Variants in NF1 observed in about 807,000 individuals in gnomAD.
NF1 encodes the protein neurofibromin 1, also known as neurofibromin.
NF1 carries 122 observed loss-of-function variants against 325.7 expected under a neutral mutation model. The observed-to-expected ratio is 0.37, with a 90% CI of 0.32 to 0.44. The LOEUF (loss-of-function observed/expected upper bound fraction) is 0.44. NF1 is among the 20% of genes least tolerant of loss of function. The pLI, the probability that NF1 is intolerant of heterozygous loss-of-function variation, is 1.00. For missense variants in NF1, 2,140 were observed against 3,415.4 expected, an observed-to-expected ratio of 0.63 and a Z score of 9.31; for synonymous variants, 1,091 against 1,186.0, an observed-to-expected ratio of 0.92 and a Z score of 1.65.
At chr17:31,197,919 ATGTTGTTAGCTATTGGTTTTTAATAC>A (rs1167337533) in intron 8 of NF1, among the ~76,000 whole-genome samples, 49 of 152,322 alleles carry the variant, frequency 3.2e-4, no homozygotes, top group Non-Finnish European at 5.0e-4. Context: ...ACTATTGAGT[ATGTTGTTAGCTATTGGTTTTTAATAC>A]ATGGCTTTTA....
intron 1 of NF1, among the ~76,000 whole-genome samples, chr17:31,098,137 TATTA>T (rs1185427425): frequency 1.1e-4 from 16 of 148,284 alleles, no homozygotes; most frequent in South Asian, 6.3e-4. Flanking sequence ...TAAATTAATA[TATTA>T]ATTTATTATA....
intron 56 of NF1, chr17:31,359,995 A>G (rs777918662): frequency 5.7e-6 from 1 of 176,832 alleles, no homozygotes; most frequent in Non-Finnish European, 1.2e-5. Context: ...ATTTCCTTTC[A>G]CTATTACTTG....
chr17:31,373,954 A>G, intron 57 of NF1, 59 bp from the exon 58 acceptor site: 1 of 1,608,014 alleles, frequency 6.2e-7, no homozygotes, highest in Non-Finnish European at 8.5e-7. Flanking sequence ...ACATGACTGC[A>G]ATGAAATTCA....
chr17:31,359,228 G>C, intron 56 of NF1: 1 of 537,922 alleles, frequency 1.9e-6, no homozygotes, highest in Admixed American at 3.2e-5. Context: ...TACAAACAAA[G>C]TCAACTTATG....
At chr17:31,246,299 C>T (rs2067389920) in intron 29 of NF1, among the ~76,000 whole-genome samples, 1 of 152,184 alleles carries the variant, frequency 6.6e-6, no homozygotes, top group Non-Finnish European at 1.5e-5. Flanking sequence ...AAATTCTGTG[C>T]CTCCTTTAGA....
At chr17:31,344,447 G>A (rs1278313446) in intron 48 of NF1, among the ~76,000 whole-genome samples, 2 of 152,324 alleles carry the variant, frequency 1.3e-5, no homozygotes, top group East Asian at 3.9e-4. Context: ...TAAGGAGCTG[G>A]CATGAACCCC....
At chr17:31,157,850 C>T (rs929677905) in intron 2 of NF1, among the ~76,000 whole-genome samples, 2 of 151,350 alleles carry the variant, frequency 1.3e-5, no homozygotes, top group Admixed American at 6.6e-5. Flanking sequence ...CCTGTAGTCC[C>T]AGCTACTCAG....
intron 1 of NF1, among the ~76,000 whole-genome samples, chr17:31,124,887 C>A (rs557144361): frequency 1.1e-4 from 16 of 151,590 alleles, no homozygotes; most frequent in Non-Finnish European, 1.9e-4. Context: ...ATGCGTGAGC[C>A]ACCGTGCCTG....
At chr17:31,139,099 G>A (rs1916015965) in intron 1 of NF1, among the ~76,000 whole-genome samples, 1 of 152,082 alleles carries the variant, frequency 6.6e-6, no homozygotes, top group African/African-American at 2.4e-5. Context: ...CCAAGCTAGA[G>A]TGCGGTGGCA....
intron 36 of NF1, chr17:31,314,232 T>G (rs2068963901): frequency 2.7e-6 from 1 of 369,792 alleles, no homozygotes; most frequent in African/African-American, 2.1e-5. Flanking sequence ...GCCCTATGAT[T>G]TGAGTGCTTT....
intron 57 of NF1, 83 bp from the exon 58 acceptor site, chr17:31,373,930 C>T (rs561792639): frequency 1.2e-5 from 19 of 1,533,898 alleles, no homozygotes; most frequent in African/African-American, 6.8e-5. Flanking sequence ...AATGTGTCCC[C>T]GTTGTTAAGC....
At chr17:31,234,693 AAAAG>A (rs1407394531) in intron 27 of NF1, among the ~76,000 whole-genome samples, 3 of 151,464 alleles carry the variant, frequency 2.0e-5, no homozygotes, top group Non-Finnish European at 2.9e-5. Context: ...AAAAAAAAAA[AAAAG>A]AATCATTTAG....
At position 31,338,557 on chromosome 17, in the gene NF1, G is replaced by A. The variant is rs971201896; in HGVS notation, c.6820-147G>A. The A allele has an allele frequency of 1.1e-5, 7 of 646,410 alleles. No individual in the cohort carries two copies. The African/African-American group carries it at 1.3e-4, about 12-fold the overall frequency. The allele number at this position is 646,410 out of a possible 1,614,324, so 40.0% of individuals were successfully genotyped here. The stretch of plus-strand genomic sequence containing the variant: ...AAATAAGAAAACAAATGTACATTAA[G>A]CTAGCTACCAAGATCACCATAGCAT... On this transcript the variant is annotated intron_variant, in intron 45 of 57. Transcript: ENST00000358273.
At chr17:31,148,939 A>G (rs989079385) in intron 1 of NF1, among the ~76,000 whole-genome samples, 1 of 152,110 alleles carries the variant, frequency 6.6e-6, no homozygotes, top group African/African-American at 2.4e-5. Flanking sequence ...TATGGATTCT[A>G]TCCTTTTCAC....
chr17:31,243,196 G>T (rs2067333491), intron 29 of NF1, among the ~76,000 whole-genome samples: 1 of 151,552 alleles, frequency 6.6e-6, no homozygotes, highest in Non-Finnish European at 1.5e-5. Context: ...GTGTGTGTGT[G>T]TGTGTGTGTG....
At chr17:31,282,458 T>G (rs2068139876) in intron 36 of NF1, among the ~76,000 whole-genome samples, 1 of 151,748 alleles carries the variant, frequency 6.6e-6, no homozygotes. Context: ...ATTTTAAACA[T>G]TTTCATCACT....
chr17:31,304,227 A>G, intron 36 of NF1: 1 of 1,534,082 alleles, frequency 6.5e-7, no homozygotes. Flanking sequence ...GAGTCATTTG[A>G]GGATGGAAGA....
chr17:31,331,318 TAA>T (rs1383371900), intron 39 of NF1: 2 of 152,188 alleles, frequency 1.3e-5, no homozygotes, highest in Non-Finnish European at 2.9e-5. Context: ...TGAGTGAATG[TAA>T]AGGCATATTG....
intron 1 of NF1, among the ~76,000 whole-genome samples, chr17:31,138,938 A>G (rs753655049): frequency 2.0e-5 from 3 of 151,830 alleles, no homozygotes; most frequent in East Asian, 3.9e-4. Flanking sequence ...CTCATTCTTC[A>G]TTATCTTTTT....
Sources: allele counts gnomAD v4.1 joint callset (sites outside exome capture counted in the v4.1 genomes callset), GRCh38; gene constraint gnomAD v4.1.1; transcripts MANE v1.5; gene names NCBI Gene and HGNC (gene_info 2026-07-23, HGNC 2026-07-21).